The following TFRC variants were observed in gnomAD, a reference collection of about 807,000 sequenced individuals.
TFRC encodes transferrin receptor, also known as transferrin receptor protein 1.
In TFRC, 35 loss-of-function variants were observed where a neutral mutation model predicts 85.8. That is an observed-to-expected ratio of 0.41 (90% CI 0.31 to 0.54). TFRC has a LOEUF of 0.54. Ranked by LOEUF, TFRC falls within the 20% of genes least tolerant of loss-of-function variation. The pLI, the probability that TFRC is intolerant of heterozygous loss-of-function variation, is 0.31. For missense variants in TFRC, 828 were observed against 921.5 expected (o/e 0.90, Z 1.31); for synonymous variants, 362 against 328.6 (o/e 1.10, Z -1.10).
At position 196,052,078 on chromosome 3, in the gene TFRC, A is replaced by C; in HGVS notation, c.2147T>G (p.Leu716Trp). 1.2e-6 allele frequency: 2 copies of C among 1,614,090 alleles called. No individual in the cohort carries two copies. Among genetic ancestry groups the C allele is most frequent in the Non-Finnish European group, 1.7e-6 (2 of 1,180,000 alleles). The stretch of plus-strand genomic sequence containing the variant: ...ACCGTTATTTTGTTTACGCAGTTTC[A>C]AGTTCTCCAGTAAAGCTGGCAGCGT... ...SHTLPALLEN[L>W]KLRKQNNGAF... The change falls in exon 19 of 19, where the codon TTG becomes TGG. Residue 716 changes from leucine to tryptophan, a missense_variant. Leu to Trp is a moderately conservative substitution (Grantham distance 61). Coordinates refer to ENST00000360110, the MANE Select transcript of TFRC (RefSeq NM_001128148.3).
rs1343620901 is a variant in TFRC, at chr3:196,075,046, C to T, written c.238+113G>A. The stretch of plus-strand genomic sequence containing the variant: ...AGGCAAGAGAGTAAGCCTCTGTCTC[C>T]AAAAAAAAAAAAAAAAAAAATAAGG... On this transcript the variant is annotated intron_variant, in intron 3 of 18. Transcript: ENST00000360110. The T allele has an allele frequency of 1.1e-5, 6 of 535,694 alleles. No homozygotes were observed. In the African/African-American group the frequency reaches 1.9e-4, roughly 17 times the overall value. The allele number at this position is 535,694 out of a possible 1,614,324, so 33.2% of individuals were successfully genotyped here.
chr3:196,075,469 C>T (rs1204493007), intron 2 of TFRC, 109 bp from the exon 3 acceptor site: 1 of 1,050,898 alleles, frequency 9.5e-7, no homozygotes, highest in Non-Finnish European at 1.4e-6. Context: ...GCTATATATT[C>T]CTTAGGGTGT....
chr3:196,074,007 T>G lies in TFRC; in HGVS notation c.357A>C (p.Ala119=). The G allele has an allele frequency of 6.2e-7, 1 of 1,614,200 alleles. No individual in the cohort carries two copies. Among genetic ancestry groups the G allele is most frequent in the Non-Finnish European group, 8.5e-7 (1 of 1,180,038 alleles). The part of the protein sequence containing the change: ...REEPGEDFPA[A]RRLYWDDLKR... ...TCAGGTCATCCCAATATAAGCGACG[T>G]GCTGCAGGGAAGTCCTCTCCTGGCT... Residue 119 remains alanine (A), a synonymous_variant, in exon 4 of 19, where the codon GCA becomes GCC. Coordinates refer to ENST00000360110, the MANE Select transcript of TFRC (RefSeq NM_001128148.3).
chr3:196,073,956 G>A lies in TFRC; in HGVS notation c.408C>T (p.Asp136=). Residue 136 remains aspartate, a synonymous_variant, in exon 4 of 19, where the codon GAC becomes GAT. Coordinates refer to ENST00000360110, the MANE Select transcript of TFRC (RefSeq NM_001128148.3). ...DLKRKLSEKL[D]STDFTGTIKL... Reference sequence around the variant, plus strand: ...TGATGGTGCCGGTGAAGTCTGTGCTGTCCAGTTTCTCCGACAACTTTCTCT... The same window carrying A: ...TGATGGTGCCGGTGAAGTCTGTGCTATCCAGTTTCTCCGACAACTTTCTCT... 1.2e-6 allele frequency: 2 copies of A among 1,614,096 alleles called. No homozygotes were observed. The highest frequency in any genetic ancestry group is 1.7e-6 in the Non-Finnish European group (2 of 1,179,986).
Position 196,053,429 on chromosome 3 carries a change from G to T in TFRC, c.2029C>A (p.Arg677Ser). The T allele has an allele frequency of 6.2e-7, 1 of 1,614,044 alleles. No individual in the cohort carries two copies. Among genetic ancestry groups the T allele is most frequent in the South Asian group, 1.1e-5 (1 of 91,064 alleles). The change falls in exon 18 of 19, where the codon CGT (arginine) becomes AGT (serine). Residue 677 changes from arginine to serine, a missense_variant. By Grantham distance (110) the Arg-to-Ser change is moderately radical. Transcript: ENST00000360110. ...AAAAGTTCACTTACTCTCATGACACGATCATTGAGTTTCTTCATGACAAAT... is the reference window on the plus strand; with the variant it reads ...AAAAGTTCACTTACTCTCATGACACTATCATTGAGTTTCTTCATGACAAAT... ...DRFVMKKLND[R>S]VMRVEYHFLS...
In TFRC at chr3:196,051,768, C is replaced by G; in HGVS notation, c.*174G>C. 1.6e-6 allele frequency: 1 copy of G among 642,254 alleles called. No individual in the cohort carries two copies. Among genetic ancestry groups the G allele is most frequent in the Non-Finnish European group, 2.6e-6 (1 of 388,064 alleles). 39.8% of individuals were successfully genotyped at this position (642,254 alleles called of 1,614,324 possible). On this transcript the variant is annotated 3_prime_UTR_variant, in exon 19 of 19. Transcript: ENST00000360110. ...TGGTTATTCACTTTAACTTGAAGTA[C>G]AGGTTATCTACCCTGTATTAAAAGC... is the stretch of plus-strand genomic sequence containing the variant.
intron 16 of TFRC, among the ~76,000 whole-genome samples, chr3:196,056,847 G>C (rs1018126578): frequency 6.6e-6 from 1 of 151,048 alleles, no homozygotes; most frequent in Non-Finnish European, 1.5e-5. Context: ...TTTGAGACAG[G>C]GTCTTGCTCT....
In TFRC at chr3:196,071,407, C is replaced by T; in HGVS notation, c.676G>A (p.Ala226Thr). ...PGGYVAYSKA[A>T]TVTGKLVHAN... ...TTTGCTTTACTTACAGTAACTGTTG[C>T]AGCCTTACTATACGCCACATAACCC... Residue 226 changes from alanine (A) to threonine (T), a missense_variant, in exon 6 of 19, where the codon GCA (alanine) becomes ACA (threonine). Transcript: ENST00000360110. 6.2e-7 allele frequency: 1 copy of T among 1,613,732 alleles called. No individual in the cohort carries two copies. The highest frequency in any genetic ancestry group is 1.1e-5 in the South Asian group (1 of 91,084).
intron 13 of TFRC, among the ~76,000 whole-genome samples, chr3:196,061,017 G>A (rs1351588145): frequency 6.6e-6 from 1 of 151,982 alleles, no homozygotes; most frequent in South Asian, 2.1e-4. Flanking sequence ...CATACAACAG[G>A]GAAATAACTA....
intron 16 of TFRC, 69 bp from the exon 17 acceptor site, chr3:196,055,370 G>C: frequency 7.4e-7 from 1 of 1,353,860 alleles, no homozygotes; most frequent in Non-Finnish European, 1.1e-6. Context: ...TTCTGGCTTC[G>C]CCATCGAGGT....
At chr3:196,065,418 G>GGGGC in intron 10 of TFRC, 25 bp downstream of exon 10, 2 of 6,884 alleles carry the variant, frequency 2.9e-4, no homozygotes, top group Middle Eastern at 0.031. Flanking sequence ...AAAGCGGGGC[G>GGGGC]GGGGGGGGGG....
In TFRC at chr3:196,072,050, G is replaced by C. The variant is rs1295504935; in HGVS notation, c.537C>G (p.Ser179Arg). ...CAAAATGTTGATCACGCCAGACTTT[G>C]CTGAGTTTAAATTCACGAAATTGAT... is the stretch of plus-strand genomic sequence containing the variant. Reference protein sequence around the residue: ...VENQFREFKLSKVWRDQHFVK... With the variant: ...VENQFREFKLRKVWRDQHFVK... Residue 179 changes from serine to arginine, a missense_variant, in exon 5 of 19, where the codon AGC becomes AGG. Coordinates refer to ENST00000360110, the MANE Select transcript of TFRC (RefSeq NM_001128148.3). 6.2e-7 allele frequency: 1 copy of C among 1,614,022 alleles called. No homozygotes were observed. Among genetic ancestry groups the C allele is most frequent in the African/African-American group, 1.3e-5 (1 of 74,922 alleles).
intron 3 of TFRC, 85 bp downstream of exon 3, chr3:196,075,066 ATAAGGTAC>A: frequency 5.4e-6 from 3 of 552,872 alleles, no homozygotes; most frequent in Non-Finnish European, 8.7e-6. Context: ...AAAAAAAAAA[ATAAGGTAC>A]AAAATAACTA....
rs192657752 is a variant in TFRC, at chr3:196,081,778, A to C, written c.-24+265T>G. 8.3e-4 allele frequency: 126 copies of C among 152,558 alleles called. 1 individual carries two copies. The highest frequency in any genetic ancestry group is 9.5e-4 in the Non-Finnish European group (65 of 68,282). The allele number at this position is 152,558 out of a possible 1,614,324, so 9.5% of individuals were successfully genotyped here. On this transcript the variant is annotated intron_variant, in intron 1 of 18. Coordinates refer to ENST00000360110, the MANE Select transcript of TFRC (RefSeq NM_001128148.3). ...GAGAGAAGGGAAGGGACGAGAGGCG[A>C]AGGGACGAGAGGCGCAGGGACGCCT...
intron 17 of TFRC, among the ~76,000 whole-genome samples, chr3:196,054,643 A>C (rs1182229749): frequency 6.6e-6 from 1 of 152,200 alleles, no homozygotes; most frequent in African/African-American, 2.4e-5. Flanking sequence ...ACGGGTATGC[A>C]CCACCTCACC....
intron 18 of TFRC, 109 bp downstream of exon 18, chr3:196,053,309 T>G: frequency 2.4e-6 from 3 of 1,259,966 alleles, no homozygotes; most frequent in Non-Finnish European, 3.4e-6. Context: ...TAATGCTCCC[T>G]TCTTAAAGGA....
intron 9 of TFRC, among the ~76,000 whole-genome samples, chr3:196,065,951 T>C (rs1050156738): frequency 6.6e-6 from 1 of 150,586 alleles, no homozygotes; most frequent in African/African-American, 2.4e-5. Flanking sequence ...ATCACGCCAC[T>C]GCACTCCAGC....
At chr3:196,065,416 G>T in intron 10 of TFRC, 27 bp downstream of exon 10, 1 of 737,898 alleles carries the variant, frequency 1.4e-6, no homozygotes, top group Non-Finnish European at 1.8e-6. Context: ...AAAAAGCGGG[G>T]CGGGGGGGGG....
chr3:196,080,257 C>T (rs1199301332), intron 1 of TFRC, among the ~76,000 whole-genome samples: 1 of 152,218 alleles, frequency 6.6e-6, no homozygotes, highest in Non-Finnish European at 1.5e-5. Flanking sequence ...GTGTGCACCA[C>T]CATGCCCAGC....
Sources: gnomAD v4.1 joint callset for allele counts (sites outside exome capture counted in the v4.1 genomes callset) on GRCh38, gnomAD v4.1.1 for gene constraint, MANE v1.5 for transcripts, NCBI Gene and HGNC (gene_info 2026-07-23, HGNC 2026-07-21) for gene names.